NWD1: variants seen among roughly 807,000 people sequenced by gnomAD.
NWD1 encodes NACHT domain- and WD repeat-containing protein 1.
Under a neutral mutation model 135.1 loss-of-function variants are expected in NWD1, and 129 were observed. That is an observed-to-expected ratio of 0.96 (90% CI 0.83 to 1.11). The LOEUF (loss-of-function observed/expected upper bound fraction) is 1.11, where lower values mean the gene tolerates loss of function less well. NWD1 is among the 50% of genes least tolerant of loss of function. NWD1 has a pLI of 0.00. For missense variants in NWD1, 1,740 were observed against 1,851.3 expected, an observed-to-expected ratio of 0.94 and a Z score of 1.10; for synonymous variants, 773 against 786.0, an observed-to-expected ratio of 0.98 and a Z score of 0.28.
chr19:16,744,253 G>A (rs1201971798), intron 4 of NWD1, among the ~76,000 whole-genome samples, 168 bp from the exon 5 acceptor site: 1 of 152,026 alleles, frequency 6.6e-6, no homozygotes, highest in African/African-American at 2.4e-5. Flanking sequence ...AAATTAGCTG[G>A]GTATGGTGGC....
At chr19:16,734,676 TC>T (rs1772822167) in intron 3 of NWD1, among the ~76,000 whole-genome samples, 1 of 151,706 alleles carries the variant, frequency 6.6e-6, no homozygotes, top group Non-Finnish European at 1.5e-5. Context: ...GCTCAGGTGA[TC>T]CTCCTGTCTC....
chr19:16,754,285 C>T (rs2122837505), intron 6 of NWD1, among the ~76,000 whole-genome samples: 1 of 151,482 alleles, frequency 6.6e-6, no homozygotes, highest in East Asian at 2.0e-4. Context: ...ATATTCCATC[C>T]ATCCATCCAC....
chr19:16,742,560 C>A (rs935950013), intron 4 of NWD1, among the ~76,000 whole-genome samples: 11 of 151,302 alleles, frequency 7.3e-5, no homozygotes, highest in African/African-American at 2.7e-4. Context: ...AAGGGGAGAG[C>A]TGGACTTAGG....
chr19:16,791,772 G>A, intron 14 of NWD1, 150 bp downstream of exon 14: 2 of 775,934 alleles, frequency 2.6e-6, no homozygotes, highest in East Asian at 2.6e-5. Flanking sequence ...GGAGTGCAAT[G>A]GTGTAATCTC....
At position 16,749,121 on chromosome 19, in the gene NWD1, C is replaced by T. The variant is rs768017213; in HGVS notation, c.497-18C>T. The T allele has an allele frequency of 1.0e-5, 16 of 1,570,280 alleles. No homozygotes were observed. The highest frequency in any genetic ancestry group is 2.7e-5 in the African/African-American group (2 of 73,600). ...CAATAATGACCACACTTCCTTCCCA[C>T]CTTCCCCACTTTGGCAGTCATTGAG... On this transcript the variant is annotated intron_variant, in intron 5 of 18. Coordinates refer to ENST00000524140, the MANE Select transcript of NWD1 (RefSeq NM_001007525.5).
chr19:16,791,135 GAGGC>G (rs989644719), intron 13 of NWD1, among the ~76,000 whole-genome samples: 2 of 152,132 alleles, frequency 1.3e-5, no homozygotes, highest in African/African-American at 4.8e-5. Context: ...TTGGGAGGCT[GAGGC>G]AGGAGGATTG....
intron 8 of NWD1, 103 bp downstream of exon 8, chr19:16,762,241 C>CTA: frequency 1.0e-6 from 1 of 997,454 alleles, no homozygotes; most frequent in East Asian, 2.6e-5. Flanking sequence ...TCCTCCCGAC[C>CTA]TACTTCTCCT....
chr19:16,749,893 C>T lies in NWD1; in HGVS notation c.1251C>T (p.Phe417=), dbSNP rs1374312853. ...CCCACACCAGGGTGGTCCAGTTTTT[C>T]CATACCCTCCTCCACACTGTCTCTT... is the stretch of plus-strand genomic sequence containing the variant. ...LDAHTRVVQF[F]HTLLHTVSCR... The change falls in exon 6 of 19, where the codon TTC becomes TTT. Residue 417 remains phenylalanine (F), a synonymous_variant. Coordinates refer to ENST00000524140, the MANE Select transcript of NWD1 (RefSeq NM_001007525.5). The T allele has an allele frequency of 1.2e-6, 2 of 1,613,566 alleles. No homozygotes were observed. The highest frequency in any genetic ancestry group is 2.2e-5 in the East Asian group (1 of 44,882).
Position 16,749,641 on chromosome 19 carries a change from G to A in NWD1, c.999G>A (p.Gln333=). The change falls in exon 6 of 19, where the codon CAG becomes CAA. Residue 333 remains glutamine (Q), a synonymous_variant. Transcript: ENST00000524140. ...AGCTCAGGCACGATGACAGCAAGCA[G>A]CACACCCCCCTGGTACTCTTTGGGC... The part of the protein sequence containing the change: ...GQQLRHDDSK[Q]HTPLVLFGPP... 1 of 1,608,722 alleles carries A rather than the reference G, an allele frequency of 6.2e-7. No individual in the cohort carries two copies. Among genetic ancestry groups the A allele is most frequent in the Non-Finnish European group, 8.5e-7 (1 of 1,176,358 alleles).
intron 5 of NWD1, among the ~76,000 whole-genome samples, chr19:16,748,081 T>G (rs1568347756): frequency 6.6e-6 from 1 of 152,210 alleles, no homozygotes; most frequent in East Asian, 1.9e-4. Flanking sequence ...CCTCCCGGGT[T>G]CAAGTGATTC....
chr19:16,810,484 T>C (rs1385450899), intron 18 of NWD1, among the ~76,000 whole-genome samples: 1 of 145,208 alleles, frequency 6.9e-6, no homozygotes, highest in African/African-American at 2.6e-5. Flanking sequence ...CTTGTAAGTC[T>C]AGATTAGGCA....
chr19:16,768,220 T>C (rs1360066637), intron 10 of NWD1, among the ~76,000 whole-genome samples: 4 of 152,116 alleles, frequency 2.6e-5, no homozygotes, highest in Non-Finnish European at 4.4e-5. Context: ...GGTCTCGAAC[T>C]CCTGACCTCA....
chr19:16,814,637 A>G (rs751942327), intron 18 of NWD1, among the ~76,000 whole-genome samples: 1 of 152,258 alleles, frequency 6.6e-6, no homozygotes, highest in Non-Finnish European at 1.5e-5. Flanking sequence ...AAAGATATAT[A>G]CAACTGGTAT....
chr19:16,794,192 C>A (rs1970343140), intron 14 of NWD1, among the ~76,000 whole-genome samples: 1 of 151,956 alleles, frequency 6.6e-6, no homozygotes, highest in Non-Finnish European at 1.5e-5. Flanking sequence ...ATGGTGAAAC[C>A]CCATCTCTAC....
intron 3 of NWD1, among the ~76,000 whole-genome samples, chr19:16,734,734 CTATT>C (rs58756047): frequency 1.6e-3 from 228 of 141,786 alleles, no homozygotes; most frequent in East Asian, 6.1e-3. Flanking sequence ...CTACACCTGG[CTATT>C]TATTTATTTA....
At chr19:16,804,252 A>G (rs184711502) in intron 17 of NWD1, among the ~76,000 whole-genome samples, 1 of 152,222 alleles carries the variant, frequency 6.6e-6, no homozygotes, top group African/African-American at 2.4e-5. Flanking sequence ...TCCGGCCACT[A>G]TAACAGAATG....
At chr19:16,787,219 T>C (rs1441815475) in intron 12 of NWD1, among the ~76,000 whole-genome samples, 2 of 151,950 alleles carry the variant, frequency 1.3e-5, no homozygotes, top group African/African-American at 2.4e-5. Context: ...CTCAACCTCC[T>C]GCGCTCAAAT....
At chr19:16,754,596 C>T (rs1968713774) in intron 6 of NWD1, among the ~76,000 whole-genome samples, 1 of 150,144 alleles carries the variant, frequency 6.7e-6, no homozygotes, top group Non-Finnish European at 1.5e-5. Context: ...TTCCATCCAT[C>T]ATCTGTCTTC....
intron 17 of NWD1, among the ~76,000 whole-genome samples, 190 bp from the exon 18 acceptor site, chr19:16,807,396 G>C (rs868157442): frequency 2.0e-5 from 3 of 152,100 alleles, no homozygotes; most frequent in African/African-American, 7.2e-5. Context: ...GGGAGGCTGC[G>C]GCAGGAGGAT....
Sources: gnomAD v4.1 joint callset for allele counts (sites outside exome capture counted in the v4.1 genomes callset) on GRCh38, gnomAD v4.1.1 for gene constraint, MANE v1.5 for transcripts, NCBI Gene and HGNC (gene_info 2026-07-23, HGNC 2026-07-21) for gene names.